The following NSMCE2 variants were observed in gnomAD, a reference collection of about 807,000 sequenced individuals.
NSMCE2 encodes NSE2 SUMO ligase component of SMC5/6 complex.
A neutral mutation model predicts 23.8 loss-of-function variants in NSMCE2; 24 were observed. That is an observed-to-expected ratio of 1.01 (90% confidence interval 0.73 to 1.42). The LOEUF (loss-of-function observed/expected upper bound fraction) is 1.42. Ranked by LOEUF, NSMCE2 falls within the 40% of genes most tolerant of loss-of-function variation. The probability of loss-of-function intolerance (pLI) is 0.00; values close to 1 mark genes in which losing one functional copy is unlikely to be tolerated. For synonymous variants in NSMCE2, 92 were observed against 94.1 expected (o/e 0.98, Z 0.13); for missense variants, 284 against 296.5 (o/e 0.96, Z 0.31).
chr8:125,227,106 G>T (rs1825128862), intron 5 of NSMCE2, among the ~76,000 whole-genome samples: 2 of 152,082 alleles, frequency 1.3e-5, no homozygotes, highest in Admixed American at 6.6e-5. Flanking sequence ...TTACTAACAG[G>T]TTTAACCAGA....
At chr8:125,352,424 C>T (rs1035847864) in intron 5 of NSMCE2, among the ~76,000 whole-genome samples, 9 of 149,120 alleles carry the variant, frequency 6.0e-5, no homozygotes, top group South Asian at 4.2e-4. Flanking sequence ...TGCAGTGAGC[C>T]GAGATCACGC....
At chr8:125,309,530 C>T (rs769072127) in intron 5 of NSMCE2, among the ~76,000 whole-genome samples, 2 of 152,052 alleles carry the variant, frequency 1.3e-5, no homozygotes, top group Non-Finnish European at 2.9e-5. Context: ...TGAGAGCAAG[C>T]TGGACAACAT....
intron 5 of NSMCE2, among the ~76,000 whole-genome samples, chr8:125,287,728 T>G (rs781262080): frequency 6.6e-6 from 1 of 152,168 alleles, no homozygotes; most frequent in Non-Finnish European, 1.5e-5. Context: ...AAAAGAGTGT[T>G]CTGACTACCC....
At chr8:125,188,356 A>G (rs1563706959) in intron 5 of NSMCE2, among the ~76,000 whole-genome samples, 1 of 152,294 alleles carries the variant, frequency 6.6e-6, no homozygotes, top group East Asian at 1.9e-4. Flanking sequence ...ACAGTGTAGT[A>G]TTACCATAGC....
intron 5 of NSMCE2, among the ~76,000 whole-genome samples, chr8:125,331,819 A>G (rs1325260620): frequency 6.6e-6 from 1 of 152,170 alleles, no homozygotes; most frequent in African/African-American, 2.4e-5. Flanking sequence ...TGCAATCACA[A>G]ATTTACTTTG....
chr8:125,279,035 C>T (rs116151359), intron 5 of NSMCE2, among the ~76,000 whole-genome samples: 5,222 of 152,112 alleles, frequency 0.034, 139 homozygotes, highest in African/African-American at 0.081. Context: ...ATAACCACCA[C>T]GAGGGGAAGT....
At chr8:125,184,512 A>G (rs1822998323) in intron 5 of NSMCE2, among the ~76,000 whole-genome samples, 1 of 152,136 alleles carries the variant, frequency 6.6e-6, no homozygotes, top group African/African-American at 2.4e-5. Flanking sequence ...AATTAAAATA[A>G]CTTTCCCCTA....
Position 125,188,650 on chromosome 8 carries a change from CTTA to C in NSMCE2, c.418+6398_418+6400del, listed in dbSNP as rs148247895. On this transcript the variant is annotated intron_variant, in intron 5 of 7. Transcript: ENST00000287437. ...TCTCATAATATAATTTTTTTAGTGC[CTTA>C]TTAGGCACTTTAATGAGAGACGGCA... Among the ~76,000 whole-genome samples, 1,010 of 152,144 alleles carry C rather than the reference CTTA, an allele frequency of 6.6e-3. 8 individuals carry two copies. The highest frequency in any genetic ancestry group is 0.024 in the African/African-American group (976 of 41,514).
intron 5 of NSMCE2, among the ~76,000 whole-genome samples, chr8:125,261,307 A>G (rs1313139963): frequency 6.6e-6 from 1 of 152,230 alleles, no homozygotes; most frequent in African/African-American, 2.4e-5. Flanking sequence ...AAGGTTAGAA[A>G]TGCTAAAGCT....
chr8:125,122,170 GCCA>G (rs1563663075), intron 3 of NSMCE2, among the ~76,000 whole-genome samples: 1 of 106,626 alleles, frequency 9.4e-6, no homozygotes, highest in African/African-American at 3.8e-5. Flanking sequence ...CTCTGGCTGA[GCCA>G]AAAAAAAAAA....
intron 5 of NSMCE2, among the ~76,000 whole-genome samples, chr8:125,257,594 C>T (rs1338140736): frequency 1.4e-5 from 2 of 141,296 alleles, no homozygotes; most frequent in African/African-American, 2.6e-5. Context: ...AGTGCAGTGG[C>T]GCGATCTCAG....
intron 5 of NSMCE2, among the ~76,000 whole-genome samples, chr8:125,195,879 C>CTTTTTTTTTTTTTTT (rs34687223): frequency 1.2e-5 from 1 of 83,626 alleles, no homozygotes; most frequent in Non-Finnish European, 2.1e-5. Flanking sequence ...TCCTGAATAA[C>CTTTTTTTTTTTTTTT]TTTTTTTTTT....
intron 3 of NSMCE2, among the ~76,000 whole-genome samples, chr8:125,115,649 G>T (rs1459921554): frequency 6.6e-6 from 1 of 152,186 alleles, no homozygotes; most frequent in Non-Finnish European, 1.5e-5. Flanking sequence ...TACTTGGGAG[G>T]CTGAGGCAGG....
chr8:125,103,870 A>AT (rs1482110874), intron 3 of NSMCE2, among the ~76,000 whole-genome samples: 1 of 151,946 alleles, frequency 6.6e-6, no homozygotes, highest in African/African-American at 2.4e-5. Context: ...CATTGTGTCC[A>AT]TATTTTCCTC....
rs1822865184 is a variant in NSMCE2 at position 125,182,271 on chromosome 8, T to C, written c.418+15T>C. On this transcript the variant is annotated intron_variant, in intron 5 of 7. Transcript: ENST00000287437. ...AAAGAAGCAATGTAAGTCAACATGCTTTGCTTTGGTTCGGCTTTTTGAAAT... is the reference window on the plus strand; with the variant it reads ...AAAGAAGCAATGTAAGTCAACATGCCTTGCTTTGGTTCGGCTTTTTGAAAT... The C allele has an allele frequency of 1.9e-6, 3 of 1,591,076 alleles. No homozygotes were observed. The highest frequency in any genetic ancestry group is 2.3e-5 in the East Asian group (1 of 44,418).
At chr8:125,306,305 G>A (rs1395545829) in intron 5 of NSMCE2, among the ~76,000 whole-genome samples, 1 of 151,802 alleles carries the variant, frequency 6.6e-6, no homozygotes, top group Non-Finnish European at 1.5e-5. Context: ...ACTCTAACCT[G>A]GGCAACAGAG....
At chr8:125,140,785 A>G (rs1820331293) in intron 3 of NSMCE2, among the ~76,000 whole-genome samples, 1 of 152,206 alleles carries the variant, frequency 6.6e-6, no homozygotes. Context: ...ATGCAACTGT[A>G]GGTAAGACTT....
At chr8:125,353,786 G>A (rs1409342415) in intron 5 of NSMCE2, among the ~76,000 whole-genome samples, 2 of 151,818 alleles carry the variant, frequency 1.3e-5, no homozygotes, top group East Asian at 2.0e-4. Flanking sequence ...GGGAGGCTGA[G>A]GCAGGAGAAT....
At chr8:125,174,652 C>T (rs1822387986) in intron 4 of NSMCE2, among the ~76,000 whole-genome samples, 1 of 152,198 alleles carries the variant, frequency 6.6e-6, no homozygotes, top group African/African-American at 2.4e-5. Flanking sequence ...AACATTCTTA[C>T]CCATGTTTAA....
Sources: gnomAD v4.1 joint callset for allele counts (sites outside exome capture counted in the v4.1 genomes callset) on GRCh38, gnomAD v4.1.1 for gene constraint, MANE v1.5 for transcripts, NCBI Gene and HGNC (gene_info 2026-07-23, HGNC 2026-07-21) for gene names.